The following CYP7B1 variants were observed in gnomAD, a reference collection of about 807,000 sequenced individuals.
CYP7B1 encodes the protein cytochrome P450 family 7 subfamily B member 1.
Under a neutral mutation model 42.7 loss-of-function variants are expected in CYP7B1, and 29 were observed. That is an observed-to-expected ratio of 0.68 (90% confidence interval 0.51 to 0.93). The LOEUF (loss-of-function observed/expected upper bound fraction) is 0.93. Among genes scored for constraint, CYP7B1 ranks in the 40% least tolerant of loss-of-function variants. The pLI is 0.00. For synonymous variants in CYP7B1, 235 were observed against 218.2 expected (o/e 1.08, Z -0.68); for missense variants, 655 against 600.5 (o/e 1.09, Z -0.95).
chr8:64,781,594 A>T (rs1485977847), intron 1 of CYP7B1, among the ~76,000 whole-genome samples: 1 of 152,136 alleles, frequency 6.6e-6, no homozygotes, highest in Non-Finnish European at 1.5e-5. Context: ...GTATTTCTCA[A>T]ATCATATAAC....
chr8:64,665,768 G>T (rs765248270), intron 1 of CYP7B1, among the ~76,000 whole-genome samples: 1 of 151,650 alleles, frequency 6.6e-6, no homozygotes, highest in Admixed American at 6.6e-5. Flanking sequence ...TAGAGACAGG[G>T]TTTCTCCATG....
intron 1 of CYP7B1, among the ~76,000 whole-genome samples, chr8:64,696,299 T>G (rs188713232): frequency 7.9e-5 from 12 of 152,334 alleles, no homozygotes; most frequent in Non-Finnish European, 1.5e-5. Flanking sequence ...ATATTGAACT[T>G]ATTGATTATG....
At chr8:64,660,319 T>C (rs891819336) in intron 1 of CYP7B1, among the ~76,000 whole-genome samples, 5 of 152,212 alleles carry the variant, frequency 3.3e-5, no homozygotes, top group Non-Finnish European at 7.3e-5. Context: ...CCTAAACCAA[T>C]AGGCTTAAAA....
Position 64,790,637 on chromosome 8 carries a change from A to T in CYP7B1, c.122+7829T>A, listed in dbSNP as rs572433792. Among the ~76,000 whole-genome samples the T allele has an allele frequency of 4.5e-4, 69 of 152,354 alleles. 1 individual carries two copies. The highest frequency in any genetic ancestry group is 3.1e-3 in the Admixed American group (47 of 15,304). On this transcript the variant is annotated intron_variant, in intron 1 of 5. Transcript: ENST00000310193. Reference sequence around the variant, plus strand: ...GGTCACAATGCCTGCCTAAATCATGAATTAATCAAAACGTTTAACTAACCA... The same window carrying T: ...GGTCACAATGCCTGCCTAAATCATGTATTAATCAAAACGTTTAACTAACCA...
chr8:64,767,866 C>A (rs1260442294), intron 1 of CYP7B1, among the ~76,000 whole-genome samples: 1 of 152,174 alleles, frequency 6.6e-6, no homozygotes, highest in Non-Finnish European at 1.5e-5. Flanking sequence ...GACCCCTGGA[C>A]CAGCCTGCTA....
intron 3 of CYP7B1, 152 bp from the exon 4 acceptor site, chr8:64,615,384 G>A: frequency 1.3e-6 from 1 of 759,462 alleles, no homozygotes; most frequent in Non-Finnish European, 2.2e-6. Flanking sequence ...CTAATTTTCT[G>A]CTTAATGAGA....
intron 1 of CYP7B1, among the ~76,000 whole-genome samples, chr8:64,733,660 C>G (rs1200971932): frequency 6.6e-6 from 1 of 152,136 alleles, no homozygotes; most frequent in Non-Finnish European, 1.5e-5. Context: ...TTCTACTCAG[C>G]TTTGAGGTCT....
intron 1 of CYP7B1, among the ~76,000 whole-genome samples, chr8:64,783,541 C>T (rs2129690107): frequency 7.0e-6 from 1 of 143,006 alleles, no homozygotes; most frequent in African/African-American, 2.5e-5. Flanking sequence ...TTCCATACTA[C>T]TTTTTTTTTT....
chr8:64,603,257 G>T (rs1434004471), intron 5 of CYP7B1, among the ~76,000 whole-genome samples: 1 of 152,080 alleles, frequency 6.6e-6, no homozygotes, highest in Non-Finnish European at 1.5e-5. Context: ...GCATATTTTT[G>T]ATTTTTAACT....
intron 1 of CYP7B1, chr8:64,703,647 G>A (rs1295461055): frequency 1.3e-5 from 2 of 151,978 alleles, no homozygotes; most frequent in African/African-American, 4.8e-5. Context: ...TTCAGAAAGG[G>A]AGGAGAATAT....
chr8:64,681,059 A>G (rs1249167130), intron 1 of CYP7B1, among the ~76,000 whole-genome samples: 1 of 152,212 alleles, frequency 6.6e-6, no homozygotes, highest in Non-Finnish European at 1.5e-5. Flanking sequence ...GAGAACAGCA[A>G]TGTGATTGGT....
intron 1 of CYP7B1, among the ~76,000 whole-genome samples, chr8:64,677,713 T>G (rs1019427293): frequency 1.4e-5 from 2 of 148,136 alleles, no homozygotes; most frequent in Admixed American, 1.3e-4. Context: ...TTGGTTTTTT[T>G]TTTTTTTTTT....
chr8:64,791,798 C>G (rs1585917391), intron 1 of CYP7B1, among the ~76,000 whole-genome samples: 1 of 152,022 alleles, frequency 6.6e-6, no homozygotes, highest in African/African-American at 2.4e-5. Context: ...TAACAAATAC[C>G]TAAAAATGTA....
At chr8:64,783,900 C>T (rs1201255062) in intron 1 of CYP7B1, among the ~76,000 whole-genome samples, 2 of 152,106 alleles carry the variant, frequency 1.3e-5, no homozygotes, top group African/African-American at 4.8e-5. Flanking sequence ...GGTAGGACTG[C>T]AAAATGGTAC....
intron 1 of CYP7B1, among the ~76,000 whole-genome samples, chr8:64,704,222 C>G (rs545502627): frequency 6.6e-6 from 1 of 152,056 alleles, no homozygotes; most frequent in African/African-American, 2.4e-5. Flanking sequence ...TCTATTTTAC[C>G]CATGTGTCAG....
At chr8:64,711,373 G>T (rs939554975) in intron 1 of CYP7B1, among the ~76,000 whole-genome samples, 1 of 152,158 alleles carries the variant, frequency 6.6e-6, no homozygotes, top group African/African-American at 2.4e-5. Context: ...TGGCCTCACT[G>T]CCTGGGACCA....
chr8:64,593,382 A>G lies in CYP7B1; in HGVS notation c.*3260T>C, dbSNP rs1805067970. ...CTGTGCTCCACAGAGCAAAACTGTC[A>G]GTATATTTGCCTATCTCAGTCTTAG... On this transcript the variant is annotated 3_prime_UTR_variant, in exon 6 of 6. Coordinates refer to ENST00000310193, the MANE Select transcript of CYP7B1 (RefSeq NM_004820.5). 6.6e-6 allele frequency among the ~76,000 whole-genome samples: 1 copy of G among 152,064 alleles called. No individual in the cohort carries two copies. The highest frequency in any genetic ancestry group is 2.4e-5 in the African/African-American group (1 of 41,396).
chr8:64,782,325 A>T (rs1374342703), intron 1 of CYP7B1, among the ~76,000 whole-genome samples: 6 of 152,154 alleles, frequency 3.9e-5, no homozygotes, highest in Non-Finnish European at 8.8e-5. Flanking sequence ...TAAGTCATGA[A>T]GGTGGAGCTC....
intron 1 of CYP7B1, among the ~76,000 whole-genome samples, chr8:64,771,664 TGTGCTGTA>T (rs1804233998): frequency 6.6e-6 from 1 of 152,178 alleles, no homozygotes; most frequent in South Asian, 2.1e-4. Context: ...CCCTCTCCCA[TGTGCTGTA>T]GTCTCTTGCT....
Sources: allele counts gnomAD v4.1 joint callset (sites outside exome capture counted in the v4.1 genomes callset), GRCh38; gene constraint gnomAD v4.1.1; transcripts MANE v1.5; gene names NCBI Gene and HGNC (gene_info 2026-07-23, HGNC 2026-07-21).